RNF149: variants seen among roughly 807,000 people sequenced by gnomAD.
The protein encoded by RNF149 is ring finger protein 149.
In RNF149, 21 loss-of-function variants were observed where a neutral mutation model predicts 39.0. The observed-to-expected ratio is 0.54, with a 90% CI of 0.38 to 0.77. RNF149 has a LOEUF of 0.77. Ranked by LOEUF, RNF149 falls within the 30% of genes least tolerant of loss-of-function variation. RNF149 has a pLI of 0.00. For synonymous variants in RNF149, 209 were observed against 213.6 expected (o/e 0.98, Z 0.19); for missense variants, 493 against 534.9 (o/e 0.92, Z 0.77).
intron 4 of RNF149, among the ~76,000 whole-genome samples, chr2:101,287,892 G>A (rs1324738310): frequency 6.6e-6 from 1 of 152,166 alleles, no homozygotes; most frequent in Non-Finnish European, 1.5e-5. Context: ...CTTCTAGTAG[G>A]TGTGAAGTAT....
In RNF149 at chr2:101,288,980, G is replaced by A. The variant is rs376708004; in HGVS notation, c.856C>T (p.Pro286Ser). ...TATGTAAAAAGAACATACTTGCATGGCAGAATTCTAATAATATCCTTTACT... is the reference window on the plus strand; with the variant it reads ...TATGTAAAAAGAACATACTTGCATGACAGAATTCTAATAATATCCTTTACT... ...FKVKDIIRIL[P>S]CKHIFHRICI... is the part of the protein sequence containing the mutation. The change falls in exon 4 of 7, where the codon CCA becomes TCA. Residue 286 changes from proline to serine, a missense_variant. Pro to Ser is a moderately conservative substitution (Grantham distance 74, BLOSUM62 -1). Transcript: ENST00000295317. 43 of 1,525,146 alleles carry A rather than the reference G, an allele frequency of 2.8e-5. No individual in the cohort carries two copies. The highest frequency in any genetic ancestry group is 3.7e-5 in the Non-Finnish European group (41 of 1,102,338). 94.5% of individuals were successfully genotyped at this position (1,525,146 alleles called of 1,614,324 possible). A position where few individuals can be genotyped will look rare whatever the true frequency, so the allele number is the denominator to read the frequency against.
At chr2:101,272,969 T>TTTTGTC (rs750822312), downstream of RNF149, 2 of 1,352,352 alleles carry the variant, frequency 1.5e-6, no homozygotes, top group South Asian at 2.3e-5. Context: ...CTTCAGGATA[T>TTTTGTC]TTTGTCATCG....
chr2:101,278,586 C>G (rs1682441801), intron 6 of RNF149, among the ~76,000 whole-genome samples: 1 of 152,028 alleles, frequency 6.6e-6, no homozygotes, highest in African/African-American at 2.4e-5. Flanking sequence ...ATATGGTATA[C>G]AACATGATGT....
At chr2:101,307,147 T>C (rs1480809171) in intron 1 of RNF149, among the ~76,000 whole-genome samples, 1 of 152,148 alleles carries the variant, frequency 6.6e-6, no homozygotes, top group Non-Finnish European at 1.5e-5. Flanking sequence ...CCCTAGGGAA[T>C]GGTATGTGTA....
intron 1 of RNF149, among the ~76,000 whole-genome samples, chr2:101,307,574 C>T (rs76716241): frequency 0.011 from 1,720 of 152,246 alleles, 34 homozygotes; most frequent in African/African-American, 0.04. Context: ...AGTGTTATAA[C>T]CCTAAATTTA....
Position 101,276,965 on chromosome 2 carries a change from T to C in RNF149, c.*273A>G. On this transcript the variant is annotated 3_prime_UTR_variant, in exon 7 of 7. Coordinates refer to ENST00000295317, the MANE Select transcript of RNF149 (RefSeq NM_173647.4). Reference sequence around the variant, plus strand: ...TAGAAACACCACCTGTCCTTTATATTAGAGTACCTGCCCCAGTTGTCTTTG... The same window carrying C: ...TAGAAACACCACCTGTCCTTTATATCAGAGTACCTGCCCCAGTTGTCTTTG... 8.6e-7 allele frequency: 1 copy of C among 1,166,018 alleles called. No homozygotes were observed. Among genetic ancestry groups the C allele is most frequent in the South Asian group, 2.1e-5 (1 of 48,358 alleles). 72.2% of individuals were successfully genotyped at this position (1,166,018 alleles called of 1,614,324 possible).
intron 6 of RNF149, among the ~76,000 whole-genome samples, chr2:101,278,311 C>T (rs141398358): frequency 1.3e-5 from 2 of 151,970 alleles, no homozygotes; most frequent in South Asian, 2.1e-4. Flanking sequence ...CACGCCACCA[C>T]GCCCCGCTAA....
chr2:101,303,878 G>A (rs1683551895), intron 1 of RNF149, among the ~76,000 whole-genome samples: 1 of 152,142 alleles, frequency 6.6e-6, no homozygotes, highest in Admixed American at 6.5e-5. Flanking sequence ...ATAGCTCCAA[G>A]CCTTGCCAGT....
At chr2:101,274,831 G>A (rs1325809260), downstream of RNF149, among the ~76,000 whole-genome samples, 1 of 152,192 alleles carries the variant, frequency 6.6e-6, no homozygotes, top group African/African-American at 2.4e-5. Flanking sequence ...TTGTTGCCCA[G>A]GCTGGAGTGC....
At chr2:101,281,182 CATT>C (rs1448586814) in intron 6 of RNF149, among the ~76,000 whole-genome samples, 4 of 152,126 alleles carry the variant, frequency 2.6e-5, no homozygotes, top group Non-Finnish European at 4.4e-5. Flanking sequence ...TACAAACACT[CATT>C]AATTAGTTTC....
chr2:101,304,985 C>T (rs1169046424), intron 1 of RNF149, among the ~76,000 whole-genome samples: 2 of 151,932 alleles, frequency 1.3e-5, no homozygotes, highest in African/African-American at 2.4e-5. Flanking sequence ...GGACTACAGG[C>T]ACACACCACC....
intron 1 of RNF149, among the ~76,000 whole-genome samples, chr2:101,303,713 C>T (rs951019717): frequency 2.0e-5 from 3 of 151,968 alleles, no homozygotes; most frequent in Admixed American, 1.3e-4. Context: ...TACCTCTTAT[C>T]AATAGGAGGG....
At chr2:101,275,535 G>A (rs1414984824), downstream of RNF149, among the ~76,000 whole-genome samples, 1 of 133,358 alleles carries the variant, frequency 7.5e-6, no homozygotes, top group South Asian at 2.5e-4. Context: ...TCTGCCTTCC[G>A]GGTTCACGCC....
intron 3 of RNF149, among the ~76,000 whole-genome samples, chr2:101,293,256 G>C (rs1439066652): frequency 6.6e-6 from 1 of 152,162 alleles, no homozygotes; most frequent in African/African-American, 2.4e-5. Context: ...AAGGGGAGTA[G>C]AGATTGGAGG....
intron 1 of RNF149, among the ~76,000 whole-genome samples, chr2:101,299,851 C>G (rs889814499): frequency 1.4e-4 from 21 of 152,160 alleles, no homozygotes; most frequent in African/African-American, 5.1e-4. Context: ...TGTCACACAC[C>G]ACCTGAAAAA....
At chr2:101,306,576 C>G (rs1205502383) in intron 1 of RNF149, among the ~76,000 whole-genome samples, 1 of 152,184 alleles carries the variant, frequency 6.6e-6, no homozygotes, top group East Asian at 1.9e-4. Context: ...ACCAAGCCTC[C>G]AGTGTTCTGG....
chr2:101,282,079 A>AAAAACATGATCAAAGCTT (rs143774964), intron 5 of RNF149, 22 bp from the exon 6 acceptor site: 3 of 1,613,070 alleles, frequency 1.9e-6, no homozygotes, highest in African/African-American at 2.7e-5. Flanking sequence ...GAACAGAAGA[A>AAAAACATGATCAAAGCTT]AAAACATGAT....
At chr2:101,281,272 T>A (rs764407204) in intron 6 of RNF149, among the ~76,000 whole-genome samples, 38 of 152,214 alleles carry the variant, frequency 2.5e-4, no homozygotes, top group African/African-American at 8.7e-4. Flanking sequence ...AGAAAGAGCT[T>A]CATATATTAA....
chr2:101,308,066 T>C, intron 1 of RNF149, 63 bp downstream of exon 1: 1 of 1,568,126 alleles, frequency 6.4e-7, no homozygotes, highest in Non-Finnish European at 8.6e-7. Context: ...GGGCCAACCC[T>C]GAAGACCCCA....
Sources: gnomAD v4.1 joint callset for allele counts (sites outside exome capture counted in the v4.1 genomes callset) on GRCh38, gnomAD v4.1.1 for gene constraint, MANE v1.5 for transcripts, NCBI Gene and HGNC (gene_info 2026-07-23, HGNC 2026-07-21) for gene names.